Variants in BRAF observed in about 807,000 individuals in gnomAD.
BRAF encodes the protein B-Raf proto-oncogene, serine/threonine kinase, also known as serine/threonine-protein kinase B-raf.
Under a neutral mutation model 104.6 loss-of-function variants are expected in BRAF, and 16 were observed. That is an observed-to-expected ratio of 0.15 (90% CI 0.10 to 0.23). The LOEUF (loss-of-function observed/expected upper bound fraction) is 0.23. Ranked by LOEUF, BRAF falls within the 10% of genes least tolerant of loss-of-function variation. BRAF has a pLI of 1.00. For synonymous variants in BRAF, 310 were observed against 341.6 expected, an observed-to-expected ratio of 0.91 and a Z score of 1.02; for missense variants, 541 against 937.3, an observed-to-expected ratio of 0.58 and a Z score of 5.52.
chr7:140,830,338 A>C (rs1806588613), intron 3 of BRAF, among the ~76,000 whole-genome samples: 1 of 152,236 alleles, frequency 6.6e-6, no homozygotes, highest in South Asian at 2.1e-4. Context: ...TTATGTTGAC[A>C]AACTCTGATA....
At chr7:140,775,998 A>G (rs951883889) in intron 14 of BRAF, among the ~76,000 whole-genome samples, 2 of 152,210 alleles carry the variant, frequency 1.3e-5, no homozygotes, top group Non-Finnish European at 2.9e-5. Context: ...AAAGTAGCAT[A>G]GTGGTTATGG....
intron 1 of BRAF, among the ~76,000 whole-genome samples, chr7:140,920,854 C>T (rs1473336964): frequency 2.6e-5 from 4 of 152,170 alleles, no homozygotes; most frequent in African/African-American, 9.6e-5. Flanking sequence ...GCCACAAGGG[C>T]ACCTGTGAAT....
chr7:140,831,468 C>A (rs1042297706), intron 3 of BRAF, among the ~76,000 whole-genome samples: 1 of 152,142 alleles, frequency 6.6e-6, no homozygotes, highest in Non-Finnish European at 1.5e-5. Context: ...ACATAGAACT[C>A]TCCAGGCAGA....
At chr7:140,739,982 T>C in intron 17 of BRAF, 36 bp from the exon 17 acceptor site, 2 of 1,598,994 alleles carry the variant, frequency 1.3e-6, no homozygotes, top group South Asian at 2.2e-5. Context: ...AATTCAACCT[T>C]GTAGATAAGT....
chr7:140,747,346 T>C, intron 17 of BRAF: 1 of 1,223,152 alleles, frequency 8.2e-7, no homozygotes, highest in South Asian at 1.4e-5. Flanking sequence ...TTAGAAAGAA[T>C]TAACTAGTAA....
At chr7:140,866,919 G>C (rs962273985) in intron 1 of BRAF, among the ~76,000 whole-genome samples, 1 of 151,540 alleles carries the variant, frequency 6.6e-6, no homozygotes, top group African/African-American at 2.4e-5. Context: ...ATAATGTTAT[G>C]ATGCATTCAA....
chr7:140,774,050 C>T (rs1375724960), intron 14 of BRAF, among the ~76,000 whole-genome samples: 2 of 152,194 alleles, frequency 1.3e-5, no homozygotes, highest in Admixed American at 6.5e-5. Flanking sequence ...CCTTCAGAAA[C>T]TGAAGATGTG....
chr7:140,751,871 A>C (rs755227816), intron 16 of BRAF, among the ~76,000 whole-genome samples: 1 of 152,168 alleles, frequency 6.6e-6, no homozygotes, highest in East Asian at 1.9e-4. Flanking sequence ...AGGGTGCCCG[A>C]AAGTCTTAGT....
In BRAF at chr7:140,841,719, T is replaced by C. The variant is rs185376021; in HGVS notation, c.241-6847A>G. ...AAGGCAAAAAGTAGATCAGTGGTTG[T>C]CAGGGGCTGCAGGGAATGACTACTA... On this transcript the variant is annotated intron_variant, in intron 2 of 19. Transcript: ENST00000644969. Among the ~76,000 whole-genome samples the C allele has an allele frequency of 5.9e-5, 9 of 152,300 alleles. No homozygotes were observed. In the East Asian group the frequency reaches 1.5e-3, roughly 26 times the overall value.
Position 140,909,834 on chromosome 7 carries a change from AACAACAACAAC to A in BRAF, c.138+14721_138+14731del, listed in dbSNP as rs1165609955. ...AAACAACAACAACAACAACAACAAC[AACAACAACAAC>A]AAAAAAGTGCCTCATACACAAAATG... is the stretch of plus-strand genomic sequence containing the variant. On this transcript the variant is annotated intron_variant, in intron 1 of 19. Transcript: ENST00000644969. Among the ~76,000 whole-genome samples, 40 of 151,950 alleles carry A rather than the reference AACAACAACAAC, an allele frequency of 2.6e-4. 1 individual carries two copies. The highest frequency in any genetic ancestry group is 1.7e-3 in the East Asian group (9 of 5,176).
chr7:140,791,747 A>G (rs1357665271), intron 8 of BRAF, among the ~76,000 whole-genome samples: 1 of 152,222 alleles, frequency 6.6e-6, no homozygotes, highest in Non-Finnish European at 1.5e-5. Context: ...TTTGGTATTT[A>G]ACAAACTGTG....
At chr7:140,806,259 A>T (rs1243185591) in intron 5 of BRAF, among the ~76,000 whole-genome samples, 2 of 152,168 alleles carry the variant, frequency 1.3e-5, no homozygotes, top group Non-Finnish European at 2.9e-5. Context: ...TAACTCCTCA[A>T]AAGCCAGGTT....
downstream of BRAF, among the ~76,000 whole-genome samples, chr7:140,716,015 C>G (rs1228505048): frequency 6.6e-6 from 1 of 152,170 alleles, no homozygotes; most frequent in Non-Finnish European, 1.5e-5. Flanking sequence ...TTTTTGATCA[C>G]AGTTTAAGAA....
At chr7:140,895,246 G>A (rs1486083572) in intron 1 of BRAF, among the ~76,000 whole-genome samples, 2 of 151,936 alleles carry the variant, frequency 1.3e-5, no homozygotes, top group Non-Finnish European at 2.9e-5. Context: ...ATAAATGTAC[G>A]AAAAAAATCT....
At position 140,723,163 on chromosome 7, in the gene BRAF, G is replaced by A; in HGVS notation, c.*3331C>T. 2 of 1,053,404 alleles carry A rather than the reference G, an allele frequency of 1.9e-6. No individual in the cohort carries two copies. Among genetic ancestry groups the A allele is most frequent in the Non-Finnish European group, 2.3e-6 (2 of 872,056 alleles). 65.3% of individuals were successfully genotyped at this position (1,053,404 alleles called of 1,614,324 possible). A position where few individuals can be genotyped will look rare whatever the true frequency, so the allele number is the denominator to read the frequency against. On this transcript the variant is annotated 3_prime_UTR_variant, in exon 20 of 20. Coordinates refer to ENST00000644969, the MANE Select transcript of BRAF (RefSeq NM_001374258.1). Reference sequence around the variant, plus strand: ...TGAGGTTTGCAAGCAGCTGGCGGGTGGATGTACAGTGGGGACAGGTGAGAT... The same window carrying A: ...TGAGGTTTGCAAGCAGCTGGCGGGTAGATGTACAGTGGGGACAGGTGAGAT...
At chr7:140,898,931 C>T (rs537572980) in intron 1 of BRAF, among the ~76,000 whole-genome samples, 12 of 152,072 alleles carry the variant, frequency 7.9e-5, no homozygotes, top group Non-Finnish European at 1.5e-4. Context: ...GAGATTCATA[C>T]ATATTGATGC....
chr7:140,841,336 G>A (rs898936174), intron 2 of BRAF, among the ~76,000 whole-genome samples: 4 of 152,172 alleles, frequency 2.6e-5, no homozygotes, highest in Non-Finnish European at 4.4e-5. Context: ...CTGGCAGTTA[G>A]TTCCTCAAAG....
At chr7:140,748,334 T>TA (rs1346465177) in intron 17 of BRAF, among the ~76,000 whole-genome samples, 3 of 152,046 alleles carry the variant, frequency 2.0e-5, no homozygotes, top group Admixed American at 2.0e-4. Context: ...GCACTGTTTT[T>TA]AAAAAAAATC....
intron 17 of BRAF, 98 bp downstream of exon 16, chr7:140,749,189 T>C (rs2128993968): frequency 6.6e-7 from 1 of 1,526,680 alleles, no homozygotes. Context: ...TCAAGAAATC[T>C]ATCCTTCACG....
Sources: allele counts gnomAD v4.1 joint callset (sites outside exome capture counted in the v4.1 genomes callset), GRCh38; gene constraint gnomAD v4.1.1; transcripts MANE v1.5; gene names NCBI Gene and HGNC (gene_info 2026-07-23, HGNC 2026-07-21).